POU6F2: variants seen among roughly 807,000 people sequenced by gnomAD.
POU6F2 encodes POU domain, class 6, transcription factor 2.
A neutral mutation model predicts 71.3 loss-of-function variants in POU6F2; 31 were observed. The observed-to-expected ratio is 0.43, with a 90% CI of 0.33 to 0.59. POU6F2 has a LOEUF of 0.59. Among genes scored for constraint, POU6F2 ranks in the 20% least tolerant of loss-of-function variants. The probability of loss-of-function intolerance (pLI) is 0.04; values close to 1 mark genes in which losing one functional copy is unlikely to be tolerated. For missense variants in POU6F2, 783 were observed against 856.8 expected, an observed-to-expected ratio of 0.91 and a Z score of 1.07; for synonymous variants, 347 against 355.7, an observed-to-expected ratio of 0.98 and a Z score of 0.27.
At chr7:39,247,877 G>A (rs75575424) in intron 4 of POU6F2, among the ~76,000 whole-genome samples, 217 of 152,228 alleles carry the variant, frequency 1.4e-3, no homozygotes, top group African/African-American at 5.1e-3. Flanking sequence ...AAGTTTCCGC[G>A]GTTTTCTTAG....
At position 39,078,217 on chromosome 7, in the gene POU6F2, T is replaced by C. The variant is rs745502194; in HGVS notation, c.106-7643T>C. ...TTACTTGACTTGTCTGAAAGCTTAA[T>C]GAAGTCATAGTTCTCTGTCATTTTA... On this transcript the variant is annotated intron_variant, in intron 1 of 9. Coordinates refer to ENST00000518318, the MANE Select transcript of POU6F2 (RefSeq NM_001370959.1). Among the ~76,000 whole-genome samples the C allele has an allele frequency of 1.3e-4, 20 of 152,370 alleles. 1 individual carries two copies. The highest frequency in any genetic ancestry group is 3.4e-3 in the Middle Eastern group (1 of 294).
intron 5 of POU6F2, chr7:39,406,362 G>A: frequency 1.9e-6 from 1 of 529,740 alleles, no homozygotes; most frequent in East Asian, 3.3e-5. Flanking sequence ...TTCCCTCCTG[G>A]GCTAGCCCTA....
At chr7:39,035,798 A>T (rs957451526) in intron 1 of POU6F2, among the ~76,000 whole-genome samples, 3 of 152,138 alleles carry the variant, frequency 2.0e-5, no homozygotes, top group African/African-American at 4.8e-5. Context: ...TTGAACTTCA[A>T]GGGTTTTAAT....
intron 2 of POU6F2, among the ~76,000 whole-genome samples, chr7:39,129,269 A>G (rs902232234): frequency 6.6e-6 from 1 of 152,190 alleles, no homozygotes; most frequent in Non-Finnish European, 1.5e-5. Context: ...CCCAAGCTTC[A>G]TAAGAATAGA....
chr7:39,276,332 C>T (rs1784437934), intron 4 of POU6F2, among the ~76,000 whole-genome samples: 1 of 152,154 alleles, frequency 6.6e-6, no homozygotes, highest in Non-Finnish European at 1.5e-5. Context: ...CAGAGAAATG[C>T]AAATCAAAAC....
intron 1 of POU6F2, among the ~76,000 whole-genome samples, chr7:39,038,642 T>C (rs1458647042): frequency 6.6e-6 from 1 of 152,036 alleles, no homozygotes; most frequent in Non-Finnish European, 1.5e-5. Context: ...GTTTATTCTT[T>C]CTTGTGTATC....
At chr7:39,405,065 A>T (rs1375768952) in intron 5 of POU6F2, 1 of 152,244 alleles carries the variant, frequency 6.6e-6, no homozygotes, top group Non-Finnish European at 1.5e-5. Flanking sequence ...GACATAAAGT[A>T]ATCAACTTAA....
chr7:38,992,256 G>C (rs1015530283), intron 1 of POU6F2, among the ~76,000 whole-genome samples: 1 of 152,140 alleles, frequency 6.6e-6, no homozygotes, highest in African/African-American at 2.4e-5. Flanking sequence ...AACATTCCTT[G>C]TCTGGGAATT....
chr7:39,271,494 GAA>G (rs36038013), intron 4 of POU6F2, among the ~76,000 whole-genome samples: 28,374 of 136,460 alleles, frequency 0.21, 3,139 homozygotes, highest in African/African-American at 0.31. Context: ...CTCAATCAGT[GAA>G]AAAAAAAAAA....
intron 5 of POU6F2, among the ~76,000 whole-genome samples, chr7:39,385,117 A>G (rs1027736754): frequency 6.6e-6 from 1 of 152,240 alleles, no homozygotes; most frequent in Admixed American, 6.5e-5. Context: ...ATGCAGAGTG[A>G]CAAGAAAATA....
chr7:39,234,933 C>T (rs1258827742), intron 4 of POU6F2, among the ~76,000 whole-genome samples: 1 of 152,194 alleles, frequency 6.6e-6, no homozygotes, highest in East Asian at 1.9e-4. Context: ...CCTCCCTAGG[C>T]GTGGCTTTCT....
At chr7:39,295,681 C>T (rs528257105) in intron 4 of POU6F2, among the ~76,000 whole-genome samples, 13 of 152,246 alleles carry the variant, frequency 8.5e-5, no homozygotes, top group Admixed American at 8.5e-4. Context: ...ATAGAGTAGT[C>T]CTGTGTGTTG....
intron 8 of POU6F2, among the ~76,000 whole-genome samples, chr7:39,453,980 G>C (rs1260075693): frequency 1.3e-5 from 2 of 152,148 alleles, no homozygotes; most frequent in Admixed American, 1.3e-4. Flanking sequence ...GACTTGAGTT[G>C]CCACAAATTT....
At chr7:39,025,306 A>C (rs1243117679) in intron 1 of POU6F2, among the ~76,000 whole-genome samples, 1 of 152,136 alleles carries the variant, frequency 6.6e-6, no homozygotes, top group Non-Finnish European at 1.5e-5. Context: ...TCCTAAGCCA[A>C]AAGGACAAAG....
chr7:38,988,005 G>A (rs776391985), intron 1 of POU6F2, among the ~76,000 whole-genome samples: 17 of 152,090 alleles, frequency 1.1e-4, no homozygotes, highest in African/African-American at 2.9e-4. Flanking sequence ...TTTGCCTGGA[G>A]CTTAAAACGG....
intron 5 of POU6F2, among the ~76,000 whole-genome samples, chr7:39,382,752 G>A (rs2115800819): frequency 6.6e-6 from 1 of 152,266 alleles, no homozygotes; most frequent in Admixed American, 6.5e-5. Context: ...CCTTAGAATA[G>A]GGCACTAAGT....
intron 4 of POU6F2, among the ~76,000 whole-genome samples, chr7:39,244,857 A>G (rs1783793975): frequency 6.6e-6 from 1 of 152,172 alleles, no homozygotes; most frequent in African/African-American, 2.4e-5. Context: ...CCCAGAAATG[A>G]TTCTTCCATT....
At chr7:39,046,989 T>C (rs1411454550) in intron 1 of POU6F2, among the ~76,000 whole-genome samples, 2 of 151,966 alleles carry the variant, frequency 1.3e-5, no homozygotes, top group Non-Finnish European at 2.9e-5. Context: ...CTCCACATTT[T>C]TGTCAAAAAT....
intron 4 of POU6F2, among the ~76,000 whole-genome samples, chr7:39,208,977 A>T (rs1003881349): frequency 6.6e-6 from 1 of 152,190 alleles, no homozygotes; most frequent in Admixed American, 6.5e-5. Context: ...GAATATTATA[A>T]ATAAACATAA....
Sources: allele counts gnomAD v4.1 joint callset (sites outside exome capture counted in the v4.1 genomes callset), GRCh38; gene constraint gnomAD v4.1.1; transcripts MANE v1.5; gene names NCBI Gene and HGNC (gene_info 2026-07-23, HGNC 2026-07-21).